The following TAS2R1 variants were observed in gnomAD, a reference collection of about 807,000 sequenced individuals.
The protein encoded by TAS2R1 is taste receptor type 2 member 1.
For missense variants in TAS2R1, 370 were observed against 353.4 expected, an observed-to-expected ratio of 1.05 and a Z score of -0.38; for synonymous variants, 141 against 134.2, an observed-to-expected ratio of 1.05 and a Z score of -0.35.
chr5:9,754,359 G>A, the TAS2R1 span, among the ~76,000 whole-genome samples: 1 of 152,180 alleles, frequency 6.6e-6, no homozygotes, highest in Non-Finnish European at 1.5e-5. Flanking sequence ...AGACAGGGAT[G>A]CCCTCTCTCA....
chr5:9,639,458 A>G (rs62342659), intron 2 of TAS2R1, among the ~76,000 whole-genome samples: 89 of 152,126 alleles, frequency 5.9e-4, no homozygotes, highest in Admixed American at 1.4e-3. Context: ...TTGGGAACTC[A>G]CAGTTTTTTG....
At chr5:9,655,020 A>C (rs1221964499) in intron 2 of TAS2R1, among the ~76,000 whole-genome samples, 1 of 152,222 alleles carries the variant, frequency 6.6e-6, no homozygotes, top group East Asian at 1.9e-4. Context: ...ACAAAAAAAC[A>C]CTGCATTAGG....
Position 9,630,098 on chromosome 5 carries a change from G to C in TAS2R1, c.-66C>G. 7.4e-7 allele frequency: 1 copy of C among 1,345,996 alleles called. No individual in the cohort carries two copies. The allele number at this position is 1,345,996 out of a possible 1,614,324, so 83.4% of individuals were successfully genotyped here. On this transcript the variant is annotated 5_prime_UTR_variant, in exon 1 of 1. Transcript: ENST00000382492. ...TATAAAGTTTTGGACAGGTTGGGTT[G>C]TTCACGCTCTTCAATTAGATCAGGA... is the stretch of plus-strand genomic sequence containing the variant.
At chr5:9,843,339 C>T in the TAS2R1 span, among the ~76,000 whole-genome samples, 1 of 152,128 alleles carries the variant, frequency 6.6e-6, no homozygotes, top group East Asian at 1.9e-4. Context: ...CTGACATGCC[C>T]TTATCCTTTA....
the TAS2R1 span, among the ~76,000 whole-genome samples, chr5:9,810,178 G>A: frequency 2.0e-5 from 3 of 152,204 alleles, no homozygotes; most frequent in Non-Finnish European, 2.9e-5. Context: ...ACCCCAATCT[G>A]TCTTTTGTTT....
the TAS2R1 span, among the ~76,000 whole-genome samples, chr5:9,767,050 T>C: frequency 6.6e-6 from 1 of 152,162 alleles, no homozygotes; most frequent in African/African-American, 2.4e-5. Context: ...TCTCCAGCCA[T>C]GGCCTCTCCA....
At chr5:9,747,104 C>T in the TAS2R1 span, among the ~76,000 whole-genome samples, 3 of 152,014 alleles carry the variant, frequency 2.0e-5, no homozygotes, top group African/African-American at 7.2e-5. Context: ...GTTATGATAG[C>T]TAAGAGAGAA....
chr5:9,846,896 T>A, the TAS2R1 span, among the ~76,000 whole-genome samples: 1 of 152,250 alleles, frequency 6.6e-6, no homozygotes, highest in South Asian at 2.1e-4. Flanking sequence ...CACTTTCTTT[T>A]GAAATCTGCT....
chr5:9,627,684 G>A lies in TAS2R1; in HGVS notation c.*1449C>T, dbSNP rs1377878170. On this transcript the variant is annotated 3_prime_UTR_variant, in exon 1 of 1. Coordinates refer to ENST00000382492, the MANE Select transcript of TAS2R1 (RefSeq NM_019599.3). ...CAATAATTACACCCAGGATACAACT[G>A]ATCTTCCCACAGCTGGCTTCCTGAG... 1.3e-5 allele frequency among the ~76,000 whole-genome samples: 2 copies of A among 152,186 alleles called. No homozygotes were observed. Among genetic ancestry groups the A allele is most frequent in the African/African-American group, 4.8e-5 (2 of 41,442 alleles).
At chr5:9,820,381 AGT>A in the TAS2R1 span, among the ~76,000 whole-genome samples, 4 of 152,226 alleles carry the variant, frequency 2.6e-5, no homozygotes, top group Non-Finnish European at 4.4e-5. Context: ...CATACCCCAA[AGT>A]GTTCATTGTG....
the TAS2R1 span, among the ~76,000 whole-genome samples, chr5:9,729,341 G>T: frequency 6.6e-6 from 1 of 152,190 alleles, no homozygotes; most frequent in Non-Finnish European, 1.5e-5. Context: ...AGGCTGGTGG[G>T]CAAGTTGATC....
chr5:9,809,852 T>C, the TAS2R1 span, among the ~76,000 whole-genome samples: 3 of 152,172 alleles, frequency 2.0e-5, no homozygotes, highest in Non-Finnish European at 4.4e-5. Flanking sequence ...GAATCTACAA[T>C]TGTCTCAAAA....
the TAS2R1 span, among the ~76,000 whole-genome samples, chr5:9,893,197 G>T: frequency 6.7e-6 from 1 of 149,826 alleles, no homozygotes. Context: ...GTGATGTCTT[G>T]GTTGCCCCAG....
the TAS2R1 span, among the ~76,000 whole-genome samples, chr5:9,827,031 A>G: frequency 6.6e-6 from 1 of 152,192 alleles, no homozygotes; most frequent in Admixed American, 6.5e-5. Flanking sequence ...TTTCAATTCT[A>G]TAACTTTACC....
intron 1 of TAS2R1, among the ~76,000 whole-genome samples, chr5:9,668,970 AG>A (rs1455302763): frequency 6.6e-6 from 1 of 152,170 alleles, no homozygotes; most frequent in African/African-American, 2.4e-5. Context: ...CAGAGTGACA[AG>A]TTGTATAAAG....
At chr5:9,752,461 T>C in the TAS2R1 span, among the ~76,000 whole-genome samples, 67 of 152,290 alleles carry the variant, frequency 4.4e-4, 1 homozygote, top group South Asian at 8.5e-3. Context: ...ATTACTTAAA[T>C]ATTGGTGCTA....
intron 1 of TAS2R1, among the ~76,000 whole-genome samples, chr5:9,663,749 G>A (rs910075112): frequency 4.6e-5 from 7 of 152,184 alleles, no homozygotes; most frequent in Non-Finnish European, 1.0e-4. Flanking sequence ...TGGATAGAAA[G>A]TTTTGCAAAT....
At chr5:9,780,649 C>T in the TAS2R1 span, among the ~76,000 whole-genome samples, 2 of 151,578 alleles carry the variant, frequency 1.3e-5, no homozygotes, top group Admixed American at 6.6e-5. Flanking sequence ...AGTCAAGATT[C>T]TCCAGACAAA....
the TAS2R1 span, among the ~76,000 whole-genome samples, chr5:9,778,876 C>T: frequency 2.6e-5 from 4 of 152,214 alleles, no homozygotes; most frequent in South Asian, 4.1e-4. Context: ...TCTTATCATT[C>T]GTGTGTTCAC....
Sources: gnomAD v4.1 joint callset for allele counts (sites outside exome capture counted in the v4.1 genomes callset) on GRCh38, gnomAD v4.1.1 for gene constraint, MANE v1.5 for transcripts, NCBI Gene and HGNC (gene_info 2026-07-23, HGNC 2026-07-21) for gene names.